SLC30A9: variants seen among roughly 807,000 people sequenced by gnomAD.
SLC30A9 encodes the protein proton-coupled zinc antiporter SLC30A9, mitochondrial.
SLC30A9 carries 58 observed loss-of-function variants against 87.5 expected under a neutral mutation model. That is an observed-to-expected ratio of 0.66 (90% CI 0.54 to 0.82). SLC30A9 has a LOEUF of 0.82. SLC30A9 is among the 40% of genes least tolerant of loss of function. The probability of loss-of-function intolerance (pLI) is 0.00; values close to 1 mark genes in which losing one functional copy is unlikely to be tolerated. For missense variants in SLC30A9, 557 were observed against 679.1 expected (o/e 0.82, Z 2.00); for synonymous variants, 234 against 233.0 (o/e 1.00, Z -0.04).
intron 8 of SLC30A9, among the ~76,000 whole-genome samples, chr4:42,045,234 A>G (rs1402168268): frequency 6.6e-6 from 1 of 152,174 alleles, no homozygotes; most frequent in African/African-American, 2.4e-5. Context: ...AAAGAGATAG[A>G]GACACCAAAA....
intron 15 of SLC30A9, among the ~76,000 whole-genome samples, chr4:42,071,487 A>G (rs1718305782): frequency 6.6e-6 from 1 of 152,150 alleles, no homozygotes; most frequent in Non-Finnish European, 1.5e-5. Context: ...AAAAGTAACT[A>G]TCTTATTGGA....
chr4:42,000,797 C>T (rs73810470), intron 1 of SLC30A9, among the ~76,000 whole-genome samples: 143 of 152,156 alleles, frequency 9.4e-4, no homozygotes, highest in African/African-American at 2.5e-3. Context: ...CTTAACCCTC[C>T]ATCCTTGGAA....
intron 15 of SLC30A9, among the ~76,000 whole-genome samples, chr4:42,072,493 TTTTA>T (rs1718350717): frequency 1.3e-5 from 2 of 152,136 alleles, no homozygotes; most frequent in African/African-American, 2.4e-5. Flanking sequence ...TAATTTCTTT[TTTTA>T]TTCTTTTCAG....
chr4:42,000,875 CTATA>C (rs1213922657), intron 1 of SLC30A9, among the ~76,000 whole-genome samples: 1 of 151,888 alleles, frequency 6.6e-6, no homozygotes, highest in African/African-American at 2.4e-5. Context: ...TGAATGATAT[CTATA>C]TAGGGTTTTT....
intron 6 of SLC30A9, among the ~76,000 whole-genome samples, chr4:42,034,358 A>G (rs189937645): frequency 6.6e-6 from 1 of 152,324 alleles, no homozygotes; most frequent in African/African-American, 2.4e-5. Flanking sequence ...TTGTTGTGAA[A>G]CAGATCTTCA....
intron 1 of SLC30A9, among the ~76,000 whole-genome samples, chr4:41,999,584 A>G (rs1189804189): frequency 6.6e-6 from 1 of 152,160 alleles, no homozygotes; most frequent in Non-Finnish European, 1.5e-5. Flanking sequence ...GGGCTAAACA[A>G]TACCATAGGA....
At chr4:42,022,088 A>G (rs1577689990) in intron 4 of SLC30A9, among the ~76,000 whole-genome samples, 1 of 75,192 alleles carries the variant, frequency 1.3e-5, no homozygotes. Context: ...GGCGCCCGCC[A>G]CCACGCCCGG....
At chr4:42,020,304 A>T (rs1379253688) in intron 3 of SLC30A9, 112 bp from the exon 4 acceptor site, 4 of 553,476 alleles carry the variant, frequency 7.2e-6, no homozygotes, top group African/African-American at 3.8e-5. Flanking sequence ...AGTGAAAAAG[A>T]TCAGTTTTCT....
rs1485676309 is a variant in SLC30A9 at position 42,090,047 on chromosome 4, G to C, written c.*3921G>C. On this transcript the variant is annotated 3_prime_UTR_variant, in exon 18 of 18. Transcript: ENST00000264451. ...GTAACTTTTTGAGGAAGAATGCTGG[G>C]AACTACAGAAAACTGCATAGGCATT... is the stretch of plus-strand genomic sequence containing the variant. 2.6e-5 allele frequency: 4 copies of C among 152,202 alleles called. No individual in the cohort carries two copies. Among genetic ancestry groups the C allele is most frequent in the Non-Finnish European group, 1.5e-5 (1 of 68,038 alleles). 9.4% of individuals were successfully genotyped at this position (152,202 alleles called of 1,614,324 possible).
Position 42,040,820 on chromosome 4 carries a change from A to G in SLC30A9, c.737+1767A>G, listed in dbSNP as rs530021839. ...CAAAAAAAAAAAAAAAGAAAAAGAA[A>G]AAGGTGGAGGAAAAAGTGCCTGCAG... On this transcript the variant is annotated intron_variant, in intron 8 of 17. Transcript: ENST00000264451. Among the ~76,000 whole-genome samples, 11 of 151,232 alleles carry G rather than the reference A, an allele frequency of 7.3e-5. 1 individual carries two copies. Among genetic ancestry groups the G allele is most frequent in the African/African-American group, 2.4e-4 (10 of 41,240 alleles).
chr4:42,012,978 G>A (rs965761880), intron 2 of SLC30A9, among the ~76,000 whole-genome samples: 5 of 152,110 alleles, frequency 3.3e-5, no homozygotes, highest in Admixed American at 1.3e-4. Flanking sequence ...ACCAGGCTCA[G>A]TGGCTGAGGC....
rs941040991 is a variant in SLC30A9 at position 42,033,029 on chromosome 4, C to G, written c.611-2246C>G. ...AAGATTTCTTTGCTTTTCTTTGTATCTTTAGTATATATATCCCACTAGAGA... is the reference window on the plus strand; with the variant it reads ...AAGATTTCTTTGCTTTTCTTTGTATGTTTAGTATATATATCCCACTAGAGA... On this transcript the variant is annotated intron_variant, in intron 6 of 17. Transcript: ENST00000264451. Among the ~76,000 whole-genome samples the G allele has an allele frequency of 2.6e-5, 4 of 151,982 alleles. No individual in the cohort carries two copies. In the South Asian group the frequency reaches 6.2e-4, roughly 24 times the overall value.
At chr4:41,999,427 A>G (rs1304835172) in intron 1 of SLC30A9, among the ~76,000 whole-genome samples, 2 of 152,238 alleles carry the variant, frequency 1.3e-5, no homozygotes, top group South Asian at 2.1e-4. Flanking sequence ...AGTAGACACT[A>G]TGATCACAAA....
intron 7 of SLC30A9, 98 bp from the exon 8 acceptor site, chr4:42,038,888 T>C (rs1716799221): frequency 2.8e-6 from 2 of 713,856 alleles, no homozygotes; most frequent in Admixed American, 4.4e-5. Flanking sequence ...TTCAGAAGTT[T>C]TGATAGAGGA....
chr4:42,012,564 G>A lies in SLC30A9; in HGVS notation c.275-5547G>A, dbSNP rs1715496151. 2.6e-5 allele frequency among the ~76,000 whole-genome samples: 4 copies of A among 152,096 alleles called. No homozygotes were observed. In the South Asian group the frequency reaches 8.3e-4, roughly 31 times the overall value. On this transcript the variant is annotated intron_variant, in intron 2 of 17. Transcript: ENST00000264451. ...GTGAAATAAGCGCGTGATGGAGAAT[G>A]GGGTATCCATCCCCTCAAGTATTTA...
intron 12 of SLC30A9, among the ~76,000 whole-genome samples, chr4:42,066,193 A>G (rs1718068996): frequency 1.3e-5 from 2 of 152,126 alleles, no homozygotes; most frequent in East Asian, 1.9e-4. Flanking sequence ...TCCTAATTGT[A>G]TATGTTTATG....
At position 42,089,497 on chromosome 4, in the gene SLC30A9, T is replaced by G. The variant is rs1719030269; in HGVS notation, c.*3371T>G. The stretch of plus-strand genomic sequence containing the variant: ...TGGAGTGCACTGGCACAATTGCAGC[T>G]CACCGCAACCTTCACCTCCCGATTC... On this transcript the variant is annotated 3_prime_UTR_variant, in exon 18 of 18. Coordinates refer to ENST00000264451, the MANE Select transcript of SLC30A9 (RefSeq NM_006345.4). 6.6e-6 allele frequency: 1 copy of G among 152,180 alleles called. No homozygotes were observed. Among genetic ancestry groups the G allele is most frequent in the African/African-American group, 2.4e-5 (1 of 41,436 alleles). The allele number at this position is 152,180 out of a possible 1,614,324, so 9.4% of individuals were successfully genotyped here.
intron 8 of SLC30A9, among the ~76,000 whole-genome samples, chr4:42,040,054 G>A (rs999115326): frequency 2.0e-5 from 3 of 152,170 alleles, no homozygotes; most frequent in East Asian, 3.9e-4. Flanking sequence ...ACAGATAGAC[G>A]TAGACAGTTT....
intron 10 of SLC30A9, among the ~76,000 whole-genome samples, chr4:42,060,469 G>T (rs113723224): frequency 6.6e-6 from 1 of 152,024 alleles, no homozygotes; most frequent in South Asian, 2.1e-4. Context: ...TTGTAGCACG[G>T]CATGGAGATC....
Sources: allele counts gnomAD v4.1 joint callset (sites outside exome capture counted in the v4.1 genomes callset), GRCh38; gene constraint gnomAD v4.1.1; transcripts MANE v1.5; gene names NCBI Gene and HGNC (gene_info 2026-07-23, HGNC 2026-07-21).